FAM184B: variants seen among roughly 807,000 people sequenced by gnomAD.
The protein encoded by FAM184B is family with sequence similarity 184 member B.
In FAM184B, 111 loss-of-function variants were observed where a neutral mutation model predicts 135.9. The observed-to-expected ratio is 0.82, with a 90% CI of 0.70 to 0.96. The LOEUF is 0.96. Ranked by LOEUF, FAM184B falls within the 40% of genes least tolerant of loss-of-function variation. The pLI, the probability that FAM184B is intolerant of heterozygous loss-of-function variation, is 0.00. For missense variants in FAM184B, 1,375 were observed against 1,323.9 expected, an observed-to-expected ratio of 1.04 and a Z score of -0.60; for synonymous variants, 552 against 524.8, an observed-to-expected ratio of 1.05 and a Z score of -0.71.
intron 7 of FAM184B, among the ~76,000 whole-genome samples, chr4:17,687,963 A>G (rs1365579539): frequency 1.3e-5 from 2 of 152,130 alleles, no homozygotes; most frequent in Non-Finnish European, 2.9e-5. Context: ...ACAAACAGGA[A>G]CCAGTTTCTA....
chr4:17,739,556 T>TTTTTTTTTGTTTTTTTG (rs1717982394), intron 1 of FAM184B, among the ~76,000 whole-genome samples: 2 of 45,094 alleles, frequency 4.4e-5, no homozygotes, highest in African/African-American at 1.5e-4. Flanking sequence ...ATACCAACTG[T>TTTTTTTTTGTTTTTTTG]TTTTTTTTTT....
At chr4:17,662,605 T>C (rs974851610) in intron 8 of FAM184B, among the ~76,000 whole-genome samples, 6 of 152,254 alleles carry the variant, frequency 3.9e-5, no homozygotes, top group African/African-American at 1.2e-4. Context: ...CCCAAAGTGC[T>C]GGGATTACTG....
chr4:17,650,389 A>G (rs956292059), intron 11 of FAM184B, among the ~76,000 whole-genome samples: 1 of 152,166 alleles, frequency 6.6e-6, no homozygotes, highest in Non-Finnish European at 1.5e-5. Flanking sequence ...CTTGAAGCCT[A>G]TGATTTGTTG....
At chr4:17,646,198 A>G (rs2108933408) in intron 12 of FAM184B, among the ~76,000 whole-genome samples, 1 of 152,254 alleles carries the variant, frequency 6.6e-6, no homozygotes, top group African/African-American at 2.4e-5. Flanking sequence ...AGAACTAGAA[A>G]TACCATTTGA....
chr4:17,770,030 G>A (rs887354064), intron 1 of FAM184B, among the ~76,000 whole-genome samples: 14 of 152,202 alleles, frequency 9.2e-5, no homozygotes, highest in African/African-American at 3.1e-4. Flanking sequence ...GGCCCGCAGT[G>A]GCACAAGCTT....
At chr4:17,636,041 A>AT (rs11315477) in intron 15 of FAM184B, among the ~76,000 whole-genome samples, 91 of 151,776 alleles carry the variant, frequency 6.0e-4, no homozygotes, top group African/African-American at 1.7e-3. Flanking sequence ...GAGTAAAGTG[A>AT]TTTTTTTTTG....
At position 17,711,486 on chromosome 4, in the gene FAM184B, TAAAACAAAAACA is replaced by T. The variant is rs1303850698; in HGVS notation, c.142-1854_142-1843del. ...CAGCAAGACTCAGTCTCAAAAAAAA[TAAAACAAAAACA>T]AAAACAAAAAATGAAAAAGCTGGGC... On this transcript the variant is annotated intron_variant, in intron 1 of 17. Coordinates refer to ENST00000265018, the MANE Select transcript of FAM184B (RefSeq NM_015688.2). Among the ~76,000 whole-genome samples, 4 of 147,354 alleles carry T rather than the reference TAAAACAAAAACA, an allele frequency of 2.7e-5. No individual in the cohort carries two copies. In the East Asian group the frequency reaches 7.9e-4, roughly 29 times the overall value.
chr4:17,680,349 T>G (rs113684167), intron 7 of FAM184B, among the ~76,000 whole-genome samples: 22 of 152,160 alleles, frequency 1.4e-4, no homozygotes, highest in African/African-American at 5.1e-4. Flanking sequence ...AAATATATAA[T>G]AGTTCTCTCT....
chr4:17,778,697 T>C (rs1036886454), intron 1 of FAM184B, among the ~76,000 whole-genome samples: 2 of 151,972 alleles, frequency 1.3e-5, no homozygotes, highest in African/African-American at 4.8e-5. Flanking sequence ...CAAAAAATTT[T>C]TGAAAAAGAA....
intron 5 of FAM184B, among the ~76,000 whole-genome samples, chr4:17,698,653 C>A (rs574292703): frequency 6.6e-6 from 1 of 152,000 alleles, no homozygotes; most frequent in Admixed American, 6.6e-5. Context: ...ATGAAGTGTC[C>A]CAACTCAGTA....
intron 1 of FAM184B, among the ~76,000 whole-genome samples, chr4:17,762,835 C>T (rs1348200533): frequency 2.6e-5 from 4 of 152,192 alleles, no homozygotes. Flanking sequence ...CAACTCCTTT[C>T]TGTAGAGCTG....
At chr4:17,658,282 C>T in intron 10 of FAM184B, 68 bp downstream of exon 10, 4 of 1,384,898 alleles carry the variant, frequency 2.9e-6, no homozygotes, top group Non-Finnish European at 4.0e-6. Flanking sequence ...AAAGGGACGG[C>T]TTTGTGCATG....
In FAM184B at chr4:17,721,679, A is replaced by G. The variant is rs1188702576; in HGVS notation, c.142-12035T>C. On this transcript the variant is annotated intron_variant, in intron 1 of 17. Coordinates refer to ENST00000265018, the MANE Select transcript of FAM184B (RefSeq NM_015688.2). Reference sequence around the variant, plus strand: ...GGTGGGCAGGGGTCAGACCCTCACAAGTCCAGCATCCATGTTAGCGAGTGC... The same window carrying G: ...GGTGGGCAGGGGTCAGACCCTCACAGGTCCAGCATCCATGTTAGCGAGTGC... Among the ~76,000 whole-genome samples the G allele has an allele frequency of 2.6e-5, 4 of 152,180 alleles. No individual in the cohort carries two copies. The East Asian group carries it at 7.7e-4, about 29-fold the overall frequency.
Position 17,642,040 on chromosome 4 carries a change from G to A in FAM184B, c.2519+16C>T, listed in dbSNP as rs1016898447. The stretch of plus-strand genomic sequence containing the variant: ...GGTGAGGGTGGCGCGGTGGCGGGGC[G>A]CGCCGGGTCACCCACCTGCGCTGGT... On this transcript the variant is annotated intron_variant, in intron 13 of 17. Coordinates refer to ENST00000265018, the MANE Select transcript of FAM184B (RefSeq NM_015688.2). The A allele has an allele frequency of 3.6e-5, 55 of 1,519,526 alleles. No homozygotes were observed. Among genetic ancestry groups the A allele is most frequent in the Non-Finnish European group, 4.6e-5 (52 of 1,139,984 alleles). The allele number at this position is 1,519,526 out of a possible 1,614,324, so 94.1% of individuals were successfully genotyped here.
intron 1 of FAM184B, among the ~76,000 whole-genome samples, chr4:17,766,892 G>A (rs1333438938): frequency 6.6e-6 from 1 of 152,234 alleles, no homozygotes; most frequent in Non-Finnish European, 1.5e-5. Context: ...CGGCCGCACA[G>A]GAGCCTATGG....
Position 17,631,619 on chromosome 4 carries a change from T to A in FAM184B, c.*913A>T, listed in dbSNP as rs1248278084. ...CTTAATTCCAATTCATGTTAATTTA[T>A]GTTATCTTGCTTAATCCTTGCAAAG... On this transcript the variant is annotated 3_prime_UTR_variant, in exon 18 of 18. Transcript: ENST00000265018. 1 of 152,144 alleles carries A rather than the reference T, an allele frequency of 6.6e-6. No homozygotes were observed. The highest frequency in any genetic ancestry group is 2.4e-5 in the African/African-American group (1 of 41,372). 9.4% of individuals were successfully genotyped at this position (152,144 alleles called of 1,614,324 possible). A position where few individuals can be genotyped will look rare whatever the true frequency, so the allele number is the denominator to read the frequency against.
intron 1 of FAM184B, among the ~76,000 whole-genome samples, chr4:17,765,449 G>A (rs1041924834): frequency 7.2e-5 from 11 of 151,888 alleles, no homozygotes; most frequent in African/African-American, 2.7e-4. Context: ...ATGACAAACT[G>A]GGATCAACAA....
intron 12 of FAM184B, among the ~76,000 whole-genome samples, chr4:17,642,480 A>G (rs190449408): frequency 4.5e-4 from 68 of 152,260 alleles, no homozygotes; most frequent in African/African-American, 1.6e-3. Context: ...CTTGCATCCA[A>G]ATGAACACCA....
At chr4:17,719,039 A>T (rs893422700) in intron 1 of FAM184B, among the ~76,000 whole-genome samples, 19 of 152,178 alleles carry the variant, frequency 1.2e-4, no homozygotes, top group African/African-American at 4.3e-4. Context: ...CCCTATAGAC[A>T]CTATGTTTTT....
Sources: allele counts gnomAD v4.1 joint callset (sites outside exome capture counted in the v4.1 genomes callset), GRCh38; gene constraint gnomAD v4.1.1; transcripts MANE v1.5; gene names NCBI Gene and HGNC (gene_info 2026-07-23, HGNC 2026-07-21).